Variants in GMDS observed in about 807,000 individuals in gnomAD.
GMDS encodes the protein GDP-mannose 4,6-dehydratase, also known as GDP-mannose 4,6 dehydratase.
Under a neutral mutation model 49.9 loss-of-function variants are expected in GMDS, and 20 were observed. The observed-to-expected ratio is 0.40, with a 90% CI of 0.28 to 0.58. The LOEUF is 0.58. Ranked by LOEUF, GMDS falls within the 20% of genes least tolerant of loss-of-function variation. GMDS has a pLI of 0.42. For missense variants in GMDS, 362 were observed against 481.4 expected, an observed-to-expected ratio of 0.75 and a Z score of 2.32; for synonymous variants, 177 against 178.6, an observed-to-expected ratio of 0.99 and a Z score of 0.07.
At chr6:2,161,769 C>A (rs575038407) in intron 1 of GMDS, among the ~76,000 whole-genome samples, 51 of 152,206 alleles carry the variant, frequency 3.4e-4, no homozygotes, top group Non-Finnish European at 2.1e-4. Flanking sequence ...GGACATTTCC[C>A]AAACTGTCCC....
chr6:1,643,270 C>G (rs995956589), intron 9 of GMDS, among the ~76,000 whole-genome samples: 5 of 152,186 alleles, frequency 3.3e-5, no homozygotes, highest in African/African-American at 1.2e-4. Flanking sequence ...GCATCTCACT[C>G]AGCTTGGTGT....
At chr6:1,841,156 A>T (rs556637842) in intron 7 of GMDS, among the ~76,000 whole-genome samples, 1 of 152,314 alleles carries the variant, frequency 6.6e-6, no homozygotes, top group Admixed American at 6.5e-5. Flanking sequence ...GTAAAAGAAT[A>T]AGGGTGGTAA....
At chr6:1,801,581 G>A (rs950029767) in intron 7 of GMDS, among the ~76,000 whole-genome samples, 3 of 152,204 alleles carry the variant, frequency 2.0e-5, no homozygotes, top group African/African-American at 4.8e-5. Flanking sequence ...CACTCCCGTC[G>A]GAGAGGCAGG....
chr6:1,914,657 G>A (rs1490256765), intron 7 of GMDS, among the ~76,000 whole-genome samples: 1 of 152,122 alleles, frequency 6.6e-6, no homozygotes, highest in Non-Finnish European at 1.5e-5. Context: ...AGTTCCCAAG[G>A]TGCGCCCCTC....
intron 4 of GMDS, among the ~76,000 whole-genome samples, chr6:2,009,480 T>C (rs1767411627): frequency 6.6e-6 from 1 of 152,144 alleles, no homozygotes; most frequent in Admixed American, 6.5e-5. Flanking sequence ...CAGACTAGAA[T>C]CCAAGATTCC....
intron 9 of GMDS, among the ~76,000 whole-genome samples, chr6:1,631,323 G>A (rs761091569): frequency 7.2e-5 from 11 of 152,078 alleles, no homozygotes; most frequent in African/African-American, 1.7e-4. Flanking sequence ...AAAGTATCTC[G>A]GAGGTAAAAG....
At chr6:1,688,307 C>T (rs758534187) in intron 9 of GMDS, among the ~76,000 whole-genome samples, 1 of 152,256 alleles carries the variant, frequency 6.6e-6, no homozygotes, top group African/African-American at 2.4e-5. Flanking sequence ...CAGAAACTCT[C>T]AAGTGTGGGC....
At chr6:2,205,964 T>C (rs539799651) in intron 1 of GMDS, among the ~76,000 whole-genome samples, 1 of 152,240 alleles carries the variant, frequency 6.6e-6, no homozygotes, top group South Asian at 2.1e-4. Flanking sequence ...GGTGGCAGTA[T>C]AAAAGCACAG....
In GMDS at chr6:2,151,302, T is replaced by A. The variant is rs1186065901; in HGVS notation, c.103-26571A>T. Among the ~76,000 whole-genome samples, 3 of 152,004 alleles carry A rather than the reference T, an allele frequency of 2.0e-5. 1 individual carries two copies. Among genetic ancestry groups the A allele is most frequent in the Non-Finnish European group, 4.4e-5 (3 of 67,948 alleles). ...TGTAACCCATAAATCACTTAATATG[T>A]ACCCACAAAAATTAAAAATCAAAAA... On this transcript the variant is annotated intron_variant, in intron 1 of 10. Transcript: ENST00000380815.
At chr6:1,680,161 T>C (rs947809261) in intron 9 of GMDS, among the ~76,000 whole-genome samples, 10 of 152,344 alleles carry the variant, frequency 6.6e-5, no homozygotes, top group African/African-American at 2.2e-4. Context: ...GAAATTCTAC[T>C]GCCTAAGAAA....
chr6:2,019,236 T>G (rs1226329343), intron 4 of GMDS, among the ~76,000 whole-genome samples: 1 of 151,680 alleles, frequency 6.6e-6, no homozygotes, highest in Admixed American at 6.6e-5. Flanking sequence ...TATAAGATGA[T>G]GTCATCTCCA....
intron 1 of GMDS, among the ~76,000 whole-genome samples, chr6:2,160,569 G>T (rs1777344853): frequency 6.6e-6 from 1 of 152,156 alleles, no homozygotes. Context: ...TGAAGATTTT[G>T]AGACAGGTGT....
At position 1,719,635 on chromosome 6, in the gene GMDS, G is replaced by A. The variant is rs200760218; in HGVS notation, c.987+6781C>T. Among the ~76,000 whole-genome samples, 12 of 97,636 alleles carry A rather than the reference G, an allele frequency of 1.2e-4. No individual in the cohort carries two copies. The South Asian group carries it at 2.7e-3, about 22-fold the overall frequency. The allele number at this position is 97,636 out of a possible 152,430, so 64.1% of individuals were successfully genotyped here. A position where few individuals can be genotyped will look rare whatever the true frequency, so the allele number is the denominator to read the frequency against. On this transcript the variant is annotated intron_variant, in intron 9 of 10. Coordinates refer to ENST00000380815, the MANE Select transcript of GMDS (RefSeq NM_001500.4). ...TGCTGATTTGTTTAAAAAAAAAAAAGAGAGAGGGATTTTTTAGATTTCCGA... is the reference window on the plus strand; with the variant it reads ...TGCTGATTTGTTTAAAAAAAAAAAAAAGAGAGGGATTTTTTAGATTTCCGA...
chr6:2,087,429 G>A (rs1301011369), intron 4 of GMDS, among the ~76,000 whole-genome samples: 1 of 152,134 alleles, frequency 6.6e-6, no homozygotes, highest in Non-Finnish European at 1.5e-5. Flanking sequence ...GAAAGGAAGT[G>A]AGCCCAACAT....
chr6:1,768,176 T>G (rs939432856), intron 7 of GMDS, among the ~76,000 whole-genome samples: 4 of 152,216 alleles, frequency 2.6e-5, no homozygotes, highest in Non-Finnish European at 5.9e-5. Flanking sequence ...ATAGGTAACA[T>G]GAGTCATTAA....
At position 1,802,291 on chromosome 6, in the gene GMDS, G is replaced by A. The variant is rs62388418; in HGVS notation, c.772-59705C>T. 5.9e-3 allele frequency among the ~76,000 whole-genome samples: 895 copies of A among 152,142 alleles called. 10 individuals are homozygous for A. Among genetic ancestry groups the A allele is most frequent in the South Asian group, 0.03 (145 of 4,824 alleles). Reference sequence around the variant, plus strand: ...TTAGTCTGGGATCTTGCCTATAGTCGTTACTCAATCAATATTACTTGAACT... The same window carrying A: ...TTAGTCTGGGATCTTGCCTATAGTCATTACTCAATCAATATTACTTGAACT... On this transcript the variant is annotated intron_variant, in intron 7 of 10. Coordinates refer to ENST00000380815, the MANE Select transcript of GMDS (RefSeq NM_001500.4).
rs111271461 is a variant in GMDS at position 1,994,905 on chromosome 6, T to C, written c.346-33939A>G. ...AAGCAATATAAAATTAAGAAAAATA[T>C]CAATAGCAGCTCTAGGAAACAGAAA... On this transcript the variant is annotated intron_variant, in intron 4 of 10. Coordinates refer to ENST00000380815, the MANE Select transcript of GMDS (RefSeq NM_001500.4). Among the ~76,000 whole-genome samples the C allele has an allele frequency of 2.3e-3, 346 of 152,106 alleles. 1 individual carries two copies. Among genetic ancestry groups the C allele is most frequent in the Non-Finnish European group, 3.9e-3 (265 of 68,006 alleles).
chr6:2,120,996 C>T (rs559107626), intron 2 of GMDS, among the ~76,000 whole-genome samples: 3 of 152,188 alleles, frequency 2.0e-5, no homozygotes, highest in Non-Finnish European at 4.4e-5. Context: ...TTTCCATATA[C>T]TGTCTTATCT....
chr6:1,823,659 A>G (rs1770986197), intron 7 of GMDS, among the ~76,000 whole-genome samples: 1 of 152,044 alleles, frequency 6.6e-6, no homozygotes, highest in Non-Finnish European at 1.5e-5. Flanking sequence ...TTCCTTTTAC[A>G]TACTGTTTTC....
Sources: gnomAD v4.1 joint callset for allele counts (sites outside exome capture counted in the v4.1 genomes callset) on GRCh38, gnomAD v4.1.1 for gene constraint, MANE v1.5 for transcripts, NCBI Gene and HGNC (gene_info 2026-07-23, HGNC 2026-07-21) for gene names.